SORCS2: variants seen among roughly 807,000 people sequenced by gnomAD.
SORCS2 encodes sortilin related VPS10 domain containing receptor 2, also known as VPS10 domain-containing receptor SorCS2.
SORCS2 carries 100 observed loss-of-function variants against 141.6 expected under a neutral mutation model. The observed-to-expected ratio is 0.71, with a 90% CI of 0.60 to 0.83. The LOEUF (loss-of-function observed/expected upper bound fraction) is 0.83. Among genes scored for constraint, SORCS2 ranks in the 40% least tolerant of loss-of-function variants. The pLI, the probability that SORCS2 is intolerant of heterozygous loss-of-function variation, is 0.00. For missense variants in SORCS2, 1,646 were observed against 1,560.2 expected (o/e 1.05, Z -0.93); for synonymous variants, 789 against 676.9 (o/e 1.17, Z -2.57).
intron 1 of SORCS2, among the ~76,000 whole-genome samples, chr4:7,220,834 G>A (rs1728659738): frequency 6.6e-6 from 1 of 152,138 alleles, no homozygotes; most frequent in South Asian, 2.1e-4. Flanking sequence ...ATGAGTTTGT[G>A]AGAAATTTCC....
chr4:7,460,967 CCT>C (rs1560303884), intron 2 of SORCS2, among the ~76,000 whole-genome samples: 2 of 152,112 alleles, frequency 1.3e-5, no homozygotes, highest in Admixed American at 6.5e-5. Context: ...ATTTCTCCCC[CCT>C]CTCTTTCCAT....
At chr4:7,450,401 C>G (rs1213380238) in intron 2 of SORCS2, among the ~76,000 whole-genome samples, 1 of 152,204 alleles carries the variant, frequency 6.6e-6, no homozygotes, top group African/African-American at 2.4e-5. Flanking sequence ...CCCAGGTCCT[C>G]CAGAAGTTGT....
chr4:7,734,874 G>T (rs538358363), intron 25 of SORCS2, among the ~76,000 whole-genome samples: 1 of 152,232 alleles, frequency 6.6e-6, no homozygotes. Flanking sequence ...GCGCTCCCGT[G>T]GGGAGGGCTC....
intron 1 of SORCS2, among the ~76,000 whole-genome samples, chr4:7,314,816 T>TTTTTTTTTTTTTTTTTTTTG (rs1718452470): frequency 9.3e-6 from 1 of 107,524 alleles, no homozygotes; most frequent in Non-Finnish European, 2.0e-5. Context: ...TTTTTTTTTT[T>TTTTTTTTTTTTTTTTTTTTG]TTTTTTTTTT....
chr4:7,552,315 A>G (rs560147023), intron 3 of SORCS2, among the ~76,000 whole-genome samples: 4 of 152,266 alleles, frequency 2.6e-5, no homozygotes, highest in Non-Finnish European at 4.4e-5. Flanking sequence ...AAGAGAAAGA[A>G]TCCCAGGAAG....
chr4:7,638,561 T>TC, intron 4 of SORCS2, 69 bp downstream of exon 4: 1 of 1,503,850 alleles, frequency 6.6e-7, no homozygotes, highest in Non-Finnish European at 8.9e-7. Flanking sequence ...TGGAGGTGAG[T>TC]GCCCACTTGG....
intron 3 of SORCS2, among the ~76,000 whole-genome samples, chr4:7,617,598 A>G (rs541119760): frequency 6.2e-4 from 94 of 152,270 alleles, no homozygotes; most frequent in Non-Finnish European, 1.1e-3. Flanking sequence ...ATGGTGGGGG[A>G]TTGGGCACAA....
chr4:7,488,438 A>G (rs1246052715), intron 2 of SORCS2, among the ~76,000 whole-genome samples: 3 of 152,322 alleles, frequency 2.0e-5, no homozygotes, highest in African/African-American at 7.2e-5. Flanking sequence ...ACTTGTCCCC[A>G]TGAGCGCCGC....
Position 7,207,380 on chromosome 4 carries a change from G to A in SORCS2, c.480+14254G>A, listed in dbSNP as rs577676667. On this transcript the variant is annotated intron_variant, in intron 1 of 26. Coordinates refer to ENST00000507866, the MANE Select transcript of SORCS2 (RefSeq NM_020777.3). ...GGGCCGGGAGCCGACGTGAGTCACC[G>A]GGCTGCTCTCTGCGTTCACCCAGCG... Among the ~76,000 whole-genome samples the A allele has an allele frequency of 6.6e-5, 10 of 152,324 alleles. No individual in the cohort carries two copies. The South Asian group carries it at 1.9e-3, about 28-fold the overall frequency.
At chr4:7,274,552 G>A (rs945118175) in intron 1 of SORCS2, among the ~76,000 whole-genome samples, 3 of 152,098 alleles carry the variant, frequency 2.0e-5, no homozygotes, top group Admixed American at 6.5e-5. Context: ...GGAGAGTGGT[G>A]CTACACACTT....
Position 7,638,449 on chromosome 4 carries a change from C to T in SORCS2, c.770C>T (p.Pro257Leu). ...TTCGTGGAAACTCTGATTTTCCACCCTAAGGAGGAGGACAAGGTCCTCGCC... is the reference window on the plus strand; with the variant it reads ...TTCGTGGAAACTCTGATTTTCCACCTTAAGGAGGAGGACAAGGTCCTCGCC... ...PFFVETLIFHPKEEDKVLAYT... is the reference protein window; with the variant it reads ...PFFVETLIFHLKEEDKVLAYT... The change falls in exon 4 of 27, where the codon CCT becomes CTT. Residue 257 changes from proline to leucine, a missense_variant. By Grantham distance (98) the Pro-to-Leu change is moderately conservative. Coordinates refer to ENST00000507866, the MANE Select transcript of SORCS2 (RefSeq NM_020777.3). The T allele has an allele frequency of 6.2e-7, 1 of 1,608,066 alleles. No individual in the cohort carries two copies. Among genetic ancestry groups the T allele is most frequent in the East Asian group, 2.3e-5 (1 of 44,142 alleles).
intron 10 of SORCS2, 101 bp from the exon 11 acceptor site, chr4:7,689,385 T>C: frequency 8.9e-7 from 1 of 1,118,854 alleles, no homozygotes; most frequent in Non-Finnish European, 1.3e-6. Context: ...CCCAGCCTTC[T>C]CTCCCAAAAA....
Position 7,703,366 on chromosome 4 carries a change from C to A in SORCS2, c.1755C>A (p.Ile585=), listed in dbSNP as rs2285784. ...AAGACACCTCCATCCCTTTGAAGAT[C>A]CTCAAGTAATGGCGTCTGCTAGCCC... ...AIKDTSIPLK[I]LKFSVDEGLT... Residue 585 remains isoleucine (I), a synonymous_variant, in exon 13 of 27, where the codon ATC becomes ATA. Coordinates refer to ENST00000507866, the MANE Select transcript of SORCS2 (RefSeq NM_020777.3). 356 of 1,612,628 alleles carry A rather than the reference C, an allele frequency of 2.2e-4. 1 individual carries two copies. The East Asian group carries it at 7.8e-3, about 35-fold the overall frequency.
intron 2 of SORCS2, among the ~76,000 whole-genome samples, chr4:7,525,476 G>A (rs1055818836): frequency 1.3e-5 from 2 of 152,116 alleles, no homozygotes; most frequent in East Asian, 1.9e-4. Flanking sequence ...TCACCCGGGG[G>A]CAGTCCTGAC....
At chr4:7,492,862 C>T (rs1019051220) in intron 2 of SORCS2, among the ~76,000 whole-genome samples, 1 of 152,204 alleles carries the variant, frequency 6.6e-6, no homozygotes, top group African/African-American at 2.4e-5. Context: ...AGCCTCTGAC[C>T]CCAGGGCAGG....
intron 3 of SORCS2, among the ~76,000 whole-genome samples, chr4:7,544,296 C>T (rs1000417209): frequency 1.3e-5 from 2 of 152,188 alleles, no homozygotes; most frequent in Middle Eastern, 3.2e-3. Flanking sequence ...GAGGTGACAT[C>T]AAGGTGAGAG....
At chr4:7,699,768 G>A (rs775683732) in intron 12 of SORCS2, among the ~76,000 whole-genome samples, 30 of 152,166 alleles carry the variant, frequency 2.0e-4, no homozygotes, top group Middle Eastern at 3.2e-3. Context: ...GGCCATGCAC[G>A]CGTTCCACTG....
intron 19 of SORCS2, among the ~76,000 whole-genome samples, chr4:7,724,434 A>T: frequency 1.5e-5 from 1 of 67,042 alleles, no homozygotes; most frequent in Non-Finnish European, 2.8e-5. Flanking sequence ...TGGTGGTGAT[A>T]ATGGTGACAA....
chr4:7,192,629 C>G lies in SORCS2; in HGVS notation c.-18C>G. ...CCGCGCCGCCCCGCCGCCGGCTCCG[C>G]TGCCGCCCCTGGCGACCATGGCGCA... On this transcript the variant is annotated 5_prime_UTR_variant, in exon 1 of 27. Transcript: ENST00000507866. This position sits in a 1 kb window ranked among gnomAD's most constrained non-coding sequence, Gnocchi z 4.0. 1.0e-6 allele frequency: 1 copy of G among 987,434 alleles called. No homozygotes were observed. The highest frequency in any genetic ancestry group is 1.8e-5 in the African/African-American group (1 of 56,980). 61.2% of individuals were successfully genotyped at this position (987,434 alleles called of 1,614,324 possible).
Sources: allele counts gnomAD v4.1 joint callset (sites outside exome capture counted in the v4.1 genomes callset), GRCh38; gene constraint gnomAD v4.1.1; non-coding constraint Gnocchi (gnomAD v3.1); transcripts MANE v1.5; gene names NCBI Gene and HGNC (gene_info 2026-07-23, HGNC 2026-07-21).